CATSPER3: variants seen among roughly 807,000 people sequenced by gnomAD.
The protein encoded by CATSPER3 is cation channel sperm-associated protein 3.
A neutral mutation model predicts 36.6 loss-of-function variants in CATSPER3; 23 were observed. The ratio of observed to expected loss-of-function variants is 0.63; its 90% CI spans 0.45 to 0.89. The LOEUF is 0.89. CATSPER3 is among the 40% of genes least tolerant of loss of function. The pLI, the probability that CATSPER3 is intolerant of heterozygous loss-of-function variation, is 0.00. For missense variants in CATSPER3, 474 were observed against 503.9 expected (o/e 0.94, Z 0.57); for synonymous variants, 172 against 184.1 (o/e 0.93, Z 0.53).
intron 2 of CATSPER3, among the ~76,000 whole-genome samples, chr5:134,987,546 T>C (rs1751826696): frequency 6.6e-6 from 1 of 152,170 alleles, no homozygotes; most frequent in South Asian, 2.1e-4. Flanking sequence ...AGAATATAGA[T>C]ACAAAAATTG....
intron 2 of CATSPER3, among the ~76,000 whole-genome samples, chr5:134,989,693 A>G (rs1751855555): frequency 6.6e-6 from 1 of 152,206 alleles, no homozygotes; most frequent in Admixed American, 6.5e-5. Context: ...TGATCTGTAC[A>G]GACTGCCAAA....
At chr5:134,974,630 TTCTTA>T (rs1489499780) in intron 2 of CATSPER3, among the ~76,000 whole-genome samples, 18 of 152,114 alleles carry the variant, frequency 1.2e-4, no homozygotes, top group South Asian at 4.1e-4. Context: ...AAATATACTC[TTCTTA>T]TCTTTAGGAT....
chr5:134,972,602 A>G (rs933148162), intron 2 of CATSPER3, among the ~76,000 whole-genome samples: 6 of 152,192 alleles, frequency 3.9e-5, no homozygotes, highest in Non-Finnish European at 8.8e-5. Flanking sequence ...AAATGAAGAC[A>G]TGAAAAGGTT....
chr5:134,988,882 A>AG (rs1285117875), intron 2 of CATSPER3, among the ~76,000 whole-genome samples: 4 of 152,116 alleles, frequency 2.6e-5, no homozygotes, highest in Non-Finnish European at 5.9e-5. Context: ...TACTTTACCC[A>AG]GACCCATCCG....
chr5:134,997,372 A>G (rs770661486), intron 3 of CATSPER3, among the ~76,000 whole-genome samples: 3 of 152,136 alleles, frequency 2.0e-5, no homozygotes, highest in Non-Finnish European at 4.4e-5. Context: ...CATGTAAACA[A>G]ACGCCTGCCT....
intron 2 of CATSPER3, among the ~76,000 whole-genome samples, chr5:134,980,799 C>T (rs1751740863): frequency 6.6e-6 from 1 of 152,126 alleles, no homozygotes; most frequent in Non-Finnish European, 1.5e-5. Flanking sequence ...ATGATTATAG[C>T]TCAATCAGCC....
chr5:134,977,455 G>T (rs1184769093), intron 2 of CATSPER3, among the ~76,000 whole-genome samples: 1 of 152,148 alleles, frequency 6.6e-6, no homozygotes, highest in African/African-American at 2.4e-5. Context: ...GATAACAAGG[G>T]TGACCTTTAT....
chr5:134,996,657 T>C (rs1271047697), intron 3 of CATSPER3, 145 bp downstream of exon 3: 1 of 723,176 alleles, frequency 1.4e-6, no homozygotes, highest in African/African-American at 1.8e-5. Context: ...ACCAATATTA[T>C]CTCATTTAAT....
chr5:134,976,369 A>G (rs947750107), intron 2 of CATSPER3, among the ~76,000 whole-genome samples: 19 of 128,316 alleles, frequency 1.5e-4, no homozygotes, highest in Admixed American at 4.9e-4. Context: ...AAAAAAACCC[A>G]AGGTCTGTTC....
intron 2 of CATSPER3, among the ~76,000 whole-genome samples, chr5:134,992,424 T>TA (rs1049044872): frequency 2.0e-4 from 31 of 151,882 alleles, no homozygotes; most frequent in Admixed American, 4.6e-4. Flanking sequence ...TAGTTATTAT[T>TA]AAAAAAAACA....
chr5:135,008,906 C>A lies in CATSPER3; in HGVS notation c.741C>A (p.Phe247Leu). 6.2e-7 allele frequency: 1 copy of A among 1,614,028 alleles called. No individual in the cohort carries two copies. Among genetic ancestry groups the A allele is most frequent in the Non-Finnish European group, 8.5e-7 (1 of 1,179,934 alleles). ...DNREFALSRA[F>L]TIIFILLASF... The stretch of plus-strand genomic sequence containing the variant: ...GGGAATTTGCTTTGAGCCGGGCATT[C>A]ACCATCATCTTCATCTTGCTCGCCT... The change falls in exon 5 of 8, where the codon TTC becomes TTA. Residue 247 changes from phenylalanine to leucine, a missense_variant. Transcript: ENST00000282611.
intron 2 of CATSPER3, among the ~76,000 whole-genome samples, chr5:134,989,750 A>G (rs1397369946): frequency 1.3e-5 from 2 of 152,186 alleles, no homozygotes; most frequent in Non-Finnish European, 2.9e-5. Context: ...CTTATCATGT[A>G]TGTGTTTACT....
At position 135,009,374 on chromosome 5, in the gene CATSPER3, T is replaced by G. The variant is rs904215301; in HGVS notation, c.820T>G (p.Ser274Ala). 4.3e-6 allele frequency: 7 copies of G among 1,613,106 alleles called. No homozygotes were observed. Among genetic ancestry groups the G allele is most frequent in the Non-Finnish European group, 5.9e-6 (7 of 1,179,526 alleles). The change falls in exon 6 of 8, where the codon TCC (serine) becomes GCC (alanine). Residue 274 changes from serine (S) to alanine (A), a missense_variant. Physicochemically the swap from Ser to Ala is moderately conservative, Grantham distance 99. Coordinates refer to ENST00000282611, the MANE Select transcript of CATSPER3 (RefSeq NM_178019.3). ...CCTCCATCGTCTGACTCTCTAGGAC[T>G]CCATCAGAAAGTTTGAGCGAGAGCT... ...VGVMIMHTED[S>A]IRKFERELML... is the part of the protein sequence containing the mutation.
chr5:134,996,233 C>T (rs768963875), intron 2 of CATSPER3, 40 bp from the exon 3 acceptor site: 2 of 1,613,902 alleles, frequency 1.2e-6, no homozygotes, highest in East Asian at 4.5e-5. Flanking sequence ...TAGGGCTGTG[C>T]AGCTCGATCT....
intron 2 of CATSPER3, among the ~76,000 whole-genome samples, chr5:134,981,663 G>A (rs1485713416): frequency 1.3e-5 from 2 of 152,090 alleles, no homozygotes; most frequent in Non-Finnish European, 2.9e-5. Context: ...CCATGAGGAG[G>A]GGGAAGAATT....
chr5:135,007,281 G>C (rs1561464866), intron 3 of CATSPER3, among the ~76,000 whole-genome samples: 1 of 152,200 alleles, frequency 6.6e-6, no homozygotes, highest in Admixed American at 6.5e-5. Context: ...TACCTACCTT[G>C]AGGTTATGTC....
chr5:134,969,543 T>C (rs530032756), intron 1 of CATSPER3: 32 of 266,946 alleles, frequency 1.2e-4, no homozygotes, highest in African/African-American at 7.1e-4. Context: ...TATTTGATGA[T>C]TATCAGTTTT....
At chr5:135,008,793 T>G in intron 4 of CATSPER3, 48 bp from the exon 5 acceptor site, 3 of 1,576,316 alleles carry the variant, frequency 1.9e-6, no homozygotes, top group Non-Finnish European at 2.6e-6. Flanking sequence ...AAAGGAGGCC[T>G]GTGCCACTGG....
chr5:135,010,351 C>T (rs754286315), intron 6 of CATSPER3, 22 bp from the exon 7 acceptor site: 2 of 1,612,022 alleles, frequency 1.2e-6, no homozygotes, highest in East Asian at 4.5e-5. Flanking sequence ...TCACTGCTCT[C>T]TCGTTATGCT....
Sources: gnomAD v4.1 joint callset for allele counts (sites outside exome capture counted in the v4.1 genomes callset) on GRCh38, gnomAD v4.1.1 for gene constraint, MANE v1.5 for transcripts, NCBI Gene and HGNC (gene_info 2026-07-23, HGNC 2026-07-21) for gene names.